Variants in EPHA5 observed in about 807,000 individuals in gnomAD.
EPHA5 encodes the protein ephrin type-A receptor 5.
In EPHA5, 60 loss-of-function variants were observed where a neutral mutation model predicts 105.0. That is an observed-to-expected ratio of 0.57 (90% confidence interval 0.46 to 0.71). EPHA5 has a LOEUF of 0.71. Ranked by LOEUF, EPHA5 falls within the 30% of genes least tolerant of loss-of-function variation. The pLI is 0.00. For synonymous variants in EPHA5, 513 were observed against 449.1 expected (o/e 1.14, Z -1.80); for missense variants, 1,218 against 1,274.7 (o/e 0.96, Z 0.68).
In EPHA5 at chr4:65,643,426, C is replaced by T. The variant is rs768823273; in HGVS notation, c.183G>A (p.Val61=). 35 of 1,612,238 alleles carry T rather than the reference C, an allele frequency of 2.2e-5. No homozygotes were observed. The highest frequency in any genetic ancestry group is 5.0e-5 in the Admixed American group (3 of 59,892). The change falls in exon 2 of 17, where the codon GTG becomes GTA. Residue 61 remains valine (V), a splice_region_variant and synonymous_variant. Coordinates refer to ENST00000613740, the MANE Select transcript of EPHA5 (RefSeq NM_001281766.3). ...RTLLASPSNE[V]NLLDSRTVMG... The stretch of plus-strand genomic sequence containing the variant: ...TGACAGTGCGTGAATCCAATAAATT[C>T]ACTGAAAAGAAAAGAACAAAAAACT...
At chr4:65,386,537 C>T (rs374391540) in intron 8 of EPHA5, among the ~76,000 whole-genome samples, 2 of 151,832 alleles carry the variant, frequency 1.3e-5, no homozygotes, top group African/African-American at 4.8e-5. Context: ...AAAACATGCA[C>T]ACACAGAGGC....
chr4:65,620,280 T>G (rs1268232876), intron 2 of EPHA5, among the ~76,000 whole-genome samples: 1 of 152,048 alleles, frequency 6.6e-6, no homozygotes, highest in Non-Finnish European at 1.5e-5. Flanking sequence ...ACTAGGCAAG[T>G]TAATAAGTTT....
chr4:65,427,185 C>CTT (rs11443682), intron 5 of EPHA5, among the ~76,000 whole-genome samples: 1,359 of 129,050 alleles, frequency 0.011, 32 homozygotes, highest in Middle Eastern at 0.015. Context: ...CGAGTGTATT[C>CTT]TTTTTTTTTT....
chr4:65,515,879 A>G (rs1734059753), intron 3 of EPHA5, among the ~76,000 whole-genome samples: 1 of 152,106 alleles, frequency 6.6e-6, no homozygotes, highest in African/African-American at 2.4e-5. Context: ...TCTGAATAGA[A>G]CAAAAAGGAG....
chr4:65,602,575 G>A (rs1743845711), intron 2 of EPHA5, among the ~76,000 whole-genome samples: 1 of 152,054 alleles, frequency 6.6e-6, no homozygotes, highest in Non-Finnish European at 1.5e-5. Context: ...ATGCCCCAGG[G>A]CAGGAAGGAA....
chr4:65,439,820 C>T (rs35067573), intron 5 of EPHA5, among the ~76,000 whole-genome samples: 41,807 of 151,752 alleles, frequency 0.28, 7,338 homozygotes, highest in Non-Finnish European at 0.39. Context: ...AAAGGAAAGC[C>T]GAATGCTTAG....
chr4:65,581,236 T>C (rs1340822194), intron 3 of EPHA5, among the ~76,000 whole-genome samples: 2 of 151,856 alleles, frequency 1.3e-5, no homozygotes, highest in Admixed American at 1.3e-4. Flanking sequence ...GCCAGAGTTT[T>C]AAGCATCTCT....
At chr4:65,381,558 A>C (rs1719564881) in intron 8 of EPHA5, among the ~76,000 whole-genome samples, 1 of 151,882 alleles carries the variant, frequency 6.6e-6, no homozygotes, top group African/African-American at 2.4e-5. Flanking sequence ...TTAAACACAT[A>C]GCTAATATTA....
intron 15 of EPHA5, 101 bp from the exon 16 acceptor site, chr4:65,332,229 T>A: frequency 1.1e-6 from 1 of 941,494 alleles, no homozygotes; most frequent in Non-Finnish European, 1.5e-6. Flanking sequence ...TTTGAGTCTG[T>A]AAGTATATTT....
intron 6 of EPHA5, 48 bp downstream of exon 6, chr4:65,420,393 A>G (rs1723827265): frequency 1.3e-6 from 2 of 1,514,400 alleles, no homozygotes; most frequent in Non-Finnish European, 1.8e-6. Context: ...AGTTGCTAAA[A>G]TGAAAAAAAA....
At chr4:65,413,284 G>A (rs1723085098) in intron 7 of EPHA5, among the ~76,000 whole-genome samples, 2 of 151,812 alleles carry the variant, frequency 1.3e-5, no homozygotes, top group Non-Finnish European at 1.5e-5. Context: ...TTTTTACAAT[G>A]GCACCCTTTT....
intron 5 of EPHA5, among the ~76,000 whole-genome samples, chr4:65,438,570 T>C (rs1725709183): frequency 2.0e-5 from 3 of 151,776 alleles, no homozygotes; most frequent in Admixed American, 1.3e-4. Context: ...CAAATGGAGC[T>C]GAGGAGAGTT....
chr4:65,400,574 C>T (rs566498864), intron 8 of EPHA5, among the ~76,000 whole-genome samples: 5 of 152,150 alleles, frequency 3.3e-5, no homozygotes, highest in African/African-American at 1.2e-4. Flanking sequence ...TAAATTGTGT[C>T]TAGGTAGGAA....
chr4:65,382,481 A>G (rs1719657563), intron 8 of EPHA5, among the ~76,000 whole-genome samples: 1 of 151,912 alleles, frequency 6.6e-6, no homozygotes. Flanking sequence ...ATTTGAACTC[A>G]AAATAAATTT....
chr4:65,402,895 A>T (rs1267330395), intron 8 of EPHA5, among the ~76,000 whole-genome samples: 1 of 152,180 alleles, frequency 6.6e-6, no homozygotes, highest in East Asian at 1.9e-4. Flanking sequence ...TCTTCCAGAA[A>T]GCAGGGATAT....
At chr4:65,430,221 T>C (rs1254743996) in intron 5 of EPHA5, among the ~76,000 whole-genome samples, 1 of 152,056 alleles carries the variant, frequency 6.6e-6, no homozygotes, top group Non-Finnish European at 1.5e-5. Context: ...ATAAAATATA[T>C]AATTATATAT....
chr4:65,651,699 A>C (rs1222153019), intron 1 of EPHA5, among the ~76,000 whole-genome samples: 1 of 152,198 alleles, frequency 6.6e-6, no homozygotes, highest in Non-Finnish European at 1.5e-5. Context: ...CAAAGATGTT[A>C]TAGACATTGC....
chr4:65,419,430 A>G (rs746100262), intron 6 of EPHA5, among the ~76,000 whole-genome samples: 2 of 152,132 alleles, frequency 1.3e-5, no homozygotes, highest in Non-Finnish European at 2.9e-5. Flanking sequence ...TGGAAAAGCA[A>G]TTGAGTAAGT....
At chr4:65,535,314 G>A (rs1179379323) in intron 3 of EPHA5, among the ~76,000 whole-genome samples, 4 of 152,066 alleles carry the variant, frequency 2.6e-5, no homozygotes, top group South Asian at 4.2e-4. Context: ...GGAGACATGA[G>A]AGAAAATGCT....
Sources: gnomAD v4.1 joint callset for allele counts (sites outside exome capture counted in the v4.1 genomes callset) on GRCh38, gnomAD v4.1.1 for gene constraint, MANE v1.5 for transcripts, NCBI Gene and HGNC (gene_info 2026-07-23, HGNC 2026-07-21) for gene names.